ADGRL3: variants seen among roughly 807,000 people sequenced by gnomAD.
ADGRL3 encodes the protein calcium-independent alpha-latrotoxin receptor 3.
In ADGRL3, 62 loss-of-function variants were observed where a neutral mutation model predicts 153.5. That is an observed-to-expected ratio of 0.40 (90% CI 0.33 to 0.50). The LOEUF (loss-of-function observed/expected upper bound fraction) is 0.50, where lower values mean the gene tolerates loss of function less well. Among genes scored for constraint, ADGRL3 ranks in the 20% least tolerant of loss-of-function variants. The pLI is 0.47. For synonymous variants in ADGRL3, 710 were observed against 672.5 expected (o/e 1.06, Z -0.86); for missense variants, 1,641 against 1,859.4 (o/e 0.88, Z 2.16).
intron 6 of ADGRL3, among the ~76,000 whole-genome samples, chr4:61,721,468 C>G (rs2096242958): frequency 6.6e-6 from 1 of 152,190 alleles, no homozygotes; most frequent in Non-Finnish European, 1.5e-5. Flanking sequence ...CAAGTTTGCT[C>G]TTTCCAACTT....
chr4:61,327,192 C>G (rs2095482446), intron 1 of ADGRL3, among the ~76,000 whole-genome samples: 3 of 151,792 alleles, frequency 2.0e-5, no homozygotes, highest in African/African-American at 7.3e-5. Flanking sequence ...GACGGGCTTG[C>G]TAATATAATG....
chr4:61,612,404 G>A (rs1388831843), intron 5 of ADGRL3, among the ~76,000 whole-genome samples: 1 of 152,140 alleles, frequency 6.6e-6, no homozygotes, highest in Admixed American at 6.6e-5. Context: ...CCAGCCACTA[G>A]ATGGTGAAAA....
chr4:61,655,119 T>G (rs2094405397), intron 5 of ADGRL3, among the ~76,000 whole-genome samples: 1 of 152,158 alleles, frequency 6.6e-6, no homozygotes. Flanking sequence ...GCCAGCAGTG[T>G]ACTCACACAT....
chr4:61,307,353 G>C (rs1040225769), intron 1 of ADGRL3, among the ~76,000 whole-genome samples: 1 of 152,094 alleles, frequency 6.6e-6, no homozygotes, highest in African/African-American at 2.4e-5. Flanking sequence ...TCAAATTTGT[G>C]AGGTAATTTT....
At chr4:61,825,546 CAT>C (rs1182766067) in intron 9 of ADGRL3, among the ~76,000 whole-genome samples, 8 of 152,000 alleles carry the variant, frequency 5.3e-5, no homozygotes, top group African/African-American at 1.2e-4. Context: ...TATATAAAAA[CAT>C]ATTTGAGTTG....
chr4:61,476,338 A>G (rs1228020764), intron 2 of ADGRL3, among the ~76,000 whole-genome samples: 2 of 151,754 alleles, frequency 1.3e-5, no homozygotes, highest in African/African-American at 4.8e-5. Flanking sequence ...AGCAATTCTC[A>G]TGCCTCAGCC....
chr4:61,680,957 A>G (rs1257974709), intron 6 of ADGRL3, among the ~76,000 whole-genome samples: 1 of 152,068 alleles, frequency 6.6e-6, no homozygotes, highest in African/African-American at 2.4e-5. Context: ...AGCACACCTC[A>G]GTTCCAGTAT....
intron 1 of ADGRL3, among the ~76,000 whole-genome samples, chr4:61,224,622 G>A (rs1747100918): frequency 6.6e-6 from 1 of 152,128 alleles, no homozygotes; most frequent in South Asian, 2.1e-4. Flanking sequence ...ATTCATAGTG[G>A]TCACTTAGAG....
At chr4:62,058,607 AT>A (rs1738349641) in intron 25 of ADGRL3, among the ~76,000 whole-genome samples, 1 of 152,104 alleles carries the variant, frequency 6.6e-6, no homozygotes. Context: ...CACATATGTA[AT>A]ATTGTAACTA....
At chr4:61,952,409 G>T (rs2098950370) in intron 17 of ADGRL3, among the ~76,000 whole-genome samples, 1 of 151,168 alleles carries the variant, frequency 6.6e-6, no homozygotes, top group African/African-American at 2.4e-5. Context: ...AGCCTGGGAG[G>T]TTGAGGCTGC....
At chr4:61,547,369 G>A (rs914340492) in intron 4 of ADGRL3, among the ~76,000 whole-genome samples, 11 of 151,674 alleles carry the variant, frequency 7.3e-5, no homozygotes, top group South Asian at 2.1e-4. Flanking sequence ...TTTTGTCACC[G>A]GGTAATAAGC....
chr4:61,376,246 A>G (rs1342041943), intron 1 of ADGRL3, among the ~76,000 whole-genome samples: 1 of 152,142 alleles, frequency 6.6e-6, no homozygotes, highest in Non-Finnish European at 1.5e-5. Context: ...GAGGGTAGTC[A>G]CATTTTATTA....
Position 61,811,204 on chromosome 4 carries a change from T to C in ADGRL3, c.1400-2605T>C, listed in dbSNP as rs937074261. On this transcript the variant is annotated intron_variant, in intron 8 of 26. Transcript: ENST00000683033. ...AGGCTCAAAGCAGCATTGTTCACAA[T>C]AGTCAAGAAGTGGAAATGATTCTAA... is the stretch of plus-strand genomic sequence containing the variant. 5.3e-5 allele frequency among the ~76,000 whole-genome samples: 8 copies of C among 152,098 alleles called. No homozygotes were observed. In the East Asian group the frequency reaches 1.5e-3, roughly 29 times the overall value.
rs574104357 is a variant in ADGRL3, at chr4:61,322,914, C to T, written c.-239-60210C>T. ...CAGTAGGGACTCTGTGTGGGGCCTC[C>T]CACCCAACACTTCCCTTCTGCAATG... On this transcript the variant is annotated intron_variant, in intron 1 of 26. Coordinates refer to ENST00000683033, the MANE Select transcript of ADGRL3 (RefSeq NM_001387552.1). Among the ~76,000 whole-genome samples the T allele has an allele frequency of 2.7e-3, 414 of 152,304 alleles. 3 individuals carry two copies. Among genetic ancestry groups the T allele is most frequent in the African/African-American group, 9.6e-3 (397 of 41,564 alleles).
intron 5 of ADGRL3, among the ~76,000 whole-genome samples, chr4:61,620,734 G>A (rs965727142): frequency 2.1e-5 from 3 of 141,432 alleles, no homozygotes; most frequent in Admixed American, 7.8e-5. Context: ...TCTGCCTCTC[G>A]GGTTCAAGCG....
chr4:61,756,822 A>G (rs1295413695), intron 8 of ADGRL3, among the ~76,000 whole-genome samples: 1 of 152,150 alleles, frequency 6.6e-6, no homozygotes, highest in Non-Finnish European at 1.5e-5. Flanking sequence ...GAGAGTTTTT[A>G]GCATGAAGGG....
chr4:61,923,553 A>G (rs1426025879), intron 13 of ADGRL3, among the ~76,000 whole-genome samples: 7 of 152,138 alleles, frequency 4.6e-5, no homozygotes, highest in Non-Finnish European at 1.0e-4. Context: ...AGGAGATGTA[A>G]ATACTTTCAG....
rs188695759 is a variant in ADGRL3 at position 61,925,908 on chromosome 4, C to T, written c.2113-8932C>T. ...TTGATGCCATACAATTATAGTCATG[C>T]ATTACCAGTGAGGATACATTCCGAG... is the stretch of plus-strand genomic sequence containing the variant. On this transcript the variant is annotated intron_variant, in intron 13 of 26. Transcript: ENST00000683033. Among the ~76,000 whole-genome samples, 217 of 152,268 alleles carry T rather than the reference C, an allele frequency of 1.4e-3. 4 individuals carry two copies. Among genetic ancestry groups the T allele is most frequent in the East Asian group, 5.8e-4 (3 of 5,172 alleles).
chr4:61,770,297 G>T (rs1016050727), intron 8 of ADGRL3, among the ~76,000 whole-genome samples: 1 of 152,142 alleles, frequency 6.6e-6, no homozygotes, highest in Non-Finnish European at 1.5e-5. Flanking sequence ...TTGGGAGATG[G>T]ACACTGAAGC....
Sources: gnomAD v4.1 joint callset for allele counts (sites outside exome capture counted in the v4.1 genomes callset) on GRCh38, gnomAD v4.1.1 for gene constraint, MANE v1.5 for transcripts, NCBI Gene and HGNC (gene_info 2026-07-23, HGNC 2026-07-21) for gene names.